Variants in KCNT2 observed in about 807,000 individuals in gnomAD.
KCNT2 encodes the protein potassium channel subfamily T member 2.
KCNT2 carries 67 observed loss-of-function variants against 153.8 expected under a neutral mutation model. That is an observed-to-expected ratio of 0.44 (90% CI 0.36 to 0.53). The LOEUF (loss-of-function observed/expected upper bound fraction) is 0.53, where lower values mean the gene tolerates loss of function less well. Among genes scored for constraint, KCNT2 ranks in the 20% least tolerant of loss-of-function variants. The pLI is 0.00. For missense variants in KCNT2, 975 were observed against 1,354.8 expected (o/e 0.72, Z 4.40); for synonymous variants, 500 against 458.8 (o/e 1.09, Z -1.15).
chr1:196,480,305 G>C (rs1175582984), intron 4 of KCNT2, among the ~76,000 whole-genome samples: 1 of 151,896 alleles, frequency 6.6e-6, no homozygotes, highest in South Asian at 2.1e-4. Context: ...TTCTTCTGTT[G>C]GGATAAAAAT....
intron 22 of KCNT2, among the ~76,000 whole-genome samples, chr1:196,303,584 T>C (rs12030439): frequency 4.6e-5 from 7 of 152,306 alleles, no homozygotes; most frequent in East Asian, 3.9e-4. Flanking sequence ...TGTATCGTTA[T>C]GCTTTTAGTA....
intron 26 of KCNT2, 128 bp from the exon 27 acceptor site, chr1:196,236,198 G>C: frequency 1.6e-6 from 1 of 629,330 alleles, no homozygotes; most frequent in South Asian, 1.9e-5. Flanking sequence ...TCCACAGCAT[G>C]ATTGTGCACA....
chr1:196,260,085 A>G (rs1656867626), intron 25 of KCNT2, among the ~76,000 whole-genome samples: 1 of 151,694 alleles, frequency 6.6e-6, no homozygotes, highest in African/African-American at 2.4e-5. Flanking sequence ...TTTCAGTCAT[A>G]TTTAGAGACT....
At chr1:196,606,660 A>G (rs1282831543) in intron 1 of KCNT2, among the ~76,000 whole-genome samples, 1 of 152,156 alleles carries the variant, frequency 6.6e-6, no homozygotes, top group African/African-American at 2.4e-5. Flanking sequence ...TATGATATTT[A>G]AAACAAACAA....
At chr1:196,281,248 A>T (rs1223258266) in intron 24 of KCNT2, among the ~76,000 whole-genome samples, 2 of 152,140 alleles carry the variant, frequency 1.3e-5, no homozygotes, top group African/African-American at 4.8e-5. Context: ...CATGTATTAA[A>T]TTTATTTATT....
chr1:196,517,094 A>C (rs1652673181), intron 1 of KCNT2, among the ~76,000 whole-genome samples: 1 of 151,812 alleles, frequency 6.6e-6, no homozygotes, highest in Non-Finnish European at 1.5e-5. Flanking sequence ...CTGTCTCCAC[A>C]CTCTGGGGAG....
chr1:196,304,100 C>T (rs1041377440), intron 22 of KCNT2, among the ~76,000 whole-genome samples: 2 of 152,054 alleles, frequency 1.3e-5, no homozygotes, highest in South Asian at 4.1e-4. Flanking sequence ...GGAAGCAGGG[C>T]ACAACAACAA....
chr1:196,480,349 C>A (rs916913733), intron 4 of KCNT2, among the ~76,000 whole-genome samples: 5 of 151,958 alleles, frequency 3.3e-5, no homozygotes, highest in African/African-American at 4.8e-5. Flanking sequence ...AACAGGAGAA[C>A]AATAAGAAAA....
At chr1:196,425,461 A>G (rs1243742754) in intron 11 of KCNT2, among the ~76,000 whole-genome samples, 1 of 151,960 alleles carries the variant, frequency 6.6e-6, no homozygotes, top group African/African-American at 2.4e-5. Context: ...CTGGTATGTC[A>G]CACCATATTT....
chr1:196,424,694 C>A (rs1386966668), intron 11 of KCNT2, among the ~76,000 whole-genome samples: 2 of 150,382 alleles, frequency 1.3e-5, no homozygotes, highest in African/African-American at 4.9e-5. Flanking sequence ...GAAGTTGAAT[C>A]ATTGAAAAAA....
intron 1 of KCNT2, among the ~76,000 whole-genome samples, chr1:196,546,596 A>C (rs1657133127): frequency 6.6e-6 from 1 of 152,066 alleles, no homozygotes; most frequent in Non-Finnish European, 1.5e-5. Context: ...CCTCAAAAGC[A>C]ACAGTAGTAT....
chr1:196,543,442 C>G (rs1298720086), intron 1 of KCNT2, among the ~76,000 whole-genome samples: 1 of 151,980 alleles, frequency 6.6e-6, no homozygotes, highest in African/African-American at 2.4e-5. Context: ...AGCAATAAAT[C>G]ACAGTTACTT....
intron 8 of KCNT2, among the ~76,000 whole-genome samples, chr1:196,437,380 T>C (rs1288542396): frequency 3.5e-5 from 5 of 140,856 alleles, no homozygotes; most frequent in African/African-American, 1.0e-4. Context: ...ATATTTTTAT[T>C]TATATATATA....
At chr1:196,436,768 A>T (rs1674699969) in intron 8 of KCNT2, among the ~76,000 whole-genome samples, 1 of 150,840 alleles carries the variant, frequency 6.6e-6, no homozygotes, top group Middle Eastern at 3.3e-3. Context: ...AATGTACTCA[A>T]ATACAGCACA....
intron 22 of KCNT2, among the ~76,000 whole-genome samples, chr1:196,286,080 T>G (rs1445424275): frequency 6.6e-6 from 1 of 151,654 alleles, no homozygotes; most frequent in Non-Finnish European, 1.5e-5. Context: ...AAAACTAACG[T>G]CACACGATGT....
chr1:196,455,879 C>CT (rs947848994), intron 8 of KCNT2, among the ~76,000 whole-genome samples: 23 of 152,028 alleles, frequency 1.5e-4, no homozygotes, highest in Admixed American at 1.1e-3. Context: ...AAATTTCCCA[C>CT]TTTCAGTAGA....
At chr1:196,366,999 G>A (rs1316328462) in intron 14 of KCNT2, among the ~76,000 whole-genome samples, 1 of 152,122 alleles carries the variant, frequency 6.6e-6, no homozygotes, top group African/African-American at 2.4e-5. Context: ...ATTTCTGTCT[G>A]CCAAAACCAG....
intron 1 of KCNT2, among the ~76,000 whole-genome samples, chr1:196,540,278 C>T (rs569442448): frequency 8.5e-5 from 13 of 152,096 alleles, no homozygotes; most frequent in East Asian, 7.7e-4. Flanking sequence ...TCAAATGTTC[C>T]GAAAATCCAA....
At chr1:196,565,909 A>G (rs939587579) in intron 1 of KCNT2, among the ~76,000 whole-genome samples, 4 of 151,750 alleles carry the variant, frequency 2.6e-5, no homozygotes, top group African/African-American at 7.3e-5. Context: ...TGTACAACAC[A>G]GTAATTGTAG....
Sources: gnomAD v4.1 joint callset for allele counts (sites outside exome capture counted in the v4.1 genomes callset) on GRCh38, gnomAD v4.1.1 for gene constraint, MANE v1.5 for transcripts, NCBI Gene and HGNC (gene_info 2026-07-23, HGNC 2026-07-21) for gene names.